MYBPC1: variants seen among roughly 807,000 people sequenced by gnomAD.
MYBPC1 encodes the protein myosin-binding protein C, slow-type.
In MYBPC1, 52 loss-of-function variants were observed where a neutral mutation model predicts 147.1. That is an observed-to-expected ratio of 0.35 (90% CI 0.28 to 0.45). MYBPC1 has a LOEUF of 0.45. MYBPC1 is among the 20% of genes least tolerant of loss of function. MYBPC1 has a pLI of 1.00. For synonymous variants in MYBPC1, 477 were observed against 475.9 expected, an observed-to-expected ratio of 1.00 and a Z score of -0.03; for missense variants, 1,228 against 1,440.3, an observed-to-expected ratio of 0.85 and a Z score of 2.39.
At chr12:101,598,454 T>C (rs1277464355) in intron 1 of MYBPC1, among the ~76,000 whole-genome samples, 2 of 152,252 alleles carry the variant, frequency 1.3e-5, no homozygotes, top group African/African-American at 4.8e-5. Flanking sequence ...GAATGGCTGT[T>C]AAACCCATAA....
Position 101,652,747 on chromosome 12 carries a change from C to G in MYBPC1, c.1596C>G (p.Ala532=), listed in dbSNP as rs1175435845. Residue 532 remains alanine, a synonymous_variant, in exon 17 of 32, where the codon GCC becomes GCG. Coordinates refer to ENST00000361466, the MANE Select transcript of MYBPC1 (RefSeq NM_002465.4). ...GTGATTATGTATTTGCACCTGATGCCTACAATGTTACTCTGCCTGCCAAAG... is the reference window on the plus strand; with the variant it reads ...GTGATTATGTATTTGCACCTGATGCGTACAATGTTACTCTGCCTGCCAAAG... ...DEGDYVFAPD[A]YNVTLPAKVH... is the part of the protein sequence containing the mutation. 3 of 1,613,898 alleles carry G rather than the reference C, an allele frequency of 1.9e-6. No homozygotes were observed. The Admixed American group carries it at 5.0e-5, about 27-fold the overall frequency.
rs375613451 is a variant in MYBPC1 at position 101,603,716 on chromosome 12, A to G, written c.25+8621A>G. 4.7e-4 allele frequency among the ~76,000 whole-genome samples: 72 copies of G among 152,342 alleles called. No individual in the cohort carries two copies. In the East Asian group the frequency reaches 7.5e-3, roughly 16 times the overall value. On this transcript the variant is annotated intron_variant, in intron 1 of 31. Transcript: ENST00000361466. ...CAGCATTTTGGGAGGCCAAGGCCAG[A>G]GAATTGCTTAAGCCCAGGGGTTTGA...
intron 25 of MYBPC1, among the ~76,000 whole-genome samples, chr12:101,674,591 G>A (rs920629020): frequency 2.0e-5 from 3 of 151,986 alleles, no homozygotes; most frequent in Non-Finnish European, 4.4e-5. Flanking sequence ...ATTTAAGGCC[G>A]GGTGTGGTGG....
chr12:101,618,106 T>C (rs900168875), intron 3 of MYBPC1, among the ~76,000 whole-genome samples: 24 of 152,240 alleles, frequency 1.6e-4, no homozygotes, highest in African/African-American at 5.5e-4. Flanking sequence ...CTCTTTTTCC[T>C]GGACACTGCT....
At chr12:101,614,456 T>A in intron 1 of MYBPC1, 40 bp from the exon 2 acceptor site, 2 of 1,612,804 alleles carry the variant, frequency 1.2e-6, no homozygotes, top group Non-Finnish European at 1.7e-6. Flanking sequence ...TTCTCTGTGA[T>A]AAATGAGCCT....
intron 6 of MYBPC1, among the ~76,000 whole-genome samples, chr12:101,629,788 G>A (rs1036492890): frequency 6.6e-6 from 1 of 151,780 alleles, no homozygotes; most frequent in African/African-American, 2.4e-5. Flanking sequence ...CAGGAGAATC[G>A]CTTGAACCCA....
rs373356488 is a variant in MYBPC1, at chr12:101,627,781, G to A, written c.155G>A (p.Arg52Gln). 56 of 1,613,632 alleles carry A rather than the reference G, an allele frequency of 3.5e-5. 1 individual carries two copies. In the East Asian group the frequency reaches 3.6e-4, roughly 10 times the overall value. ...PSALPPGLGS[R>Q]ALERKDSDWT... ...ACTTTCCTTTCAGGTTTGGGTAGTC[G>A]GGCCCTGGAGAGAAAAGATTCAGGT... Residue 52 changes from arginine to glutamine, a missense_variant, in exon 5 of 32, where the codon CGG (arginine) becomes CAG (glutamine). Arg to Gln is a conservative substitution (Grantham distance 43, BLOSUM62 1). Around this residue, in one of 2 missense-constraint regions of MYBPC1, gnomAD observed 151 missense variants for 126.1 expected, o/e 1.20. Transcript: ENST00000361466.
In MYBPC1 at chr12:101,652,542, C is replaced by T. The variant is rs201318044; in HGVS notation, c.1527-136C>T. 7.4e-6 allele frequency: 5 copies of T among 674,248 alleles called. No individual in the cohort carries two copies. In the East Asian group the frequency reaches 8.4e-5, roughly 11 times the overall value. The allele number at this position is 674,248 out of a possible 1,614,324, so 41.8% of individuals were successfully genotyped here. ...CTTCTCATCCTCTCTCTCTCTCTCT[C>T]TCTTTCTCTCTCTCTCTCCCTCTCT... On this transcript the variant is annotated intron_variant, in intron 16 of 31. Coordinates refer to ENST00000361466, the MANE Select transcript of MYBPC1 (RefSeq NM_002465.4).
chr12:101,641,713 A>C (rs1406028754), intron 10 of MYBPC1, among the ~76,000 whole-genome samples: 2 of 152,218 alleles, frequency 1.3e-5, no homozygotes, highest in South Asian at 4.1e-4. Context: ...GAAATGTAAG[A>C]AAATTTTTAA....
intron 14 of MYBPC1, 66 bp from the exon 15 acceptor site, chr12:101,649,194 A>T: frequency 7.0e-7 from 1 of 1,431,836 alleles, no homozygotes; most frequent in Non-Finnish European, 9.7e-7. Flanking sequence ...GCAATAAGCA[A>T]GATGGACAAG....
intron 14 of MYBPC1, 85 bp downstream of exon 14, chr12:101,648,235 G>T: frequency 1.0e-6 from 1 of 953,628 alleles, no homozygotes; most frequent in South Asian, 1.3e-5. Context: ...AGTACAAATA[G>T]CTTTTAAACC....
At chr12:101,666,747 C>T in intron 22 of MYBPC1, 1 of 1,613,568 alleles carries the variant, frequency 6.2e-7, no homozygotes, top group Non-Finnish European at 8.5e-7. Flanking sequence ...CTCAAAGGTA[C>T]ATCAGCAAAA....
downstream of MYBPC1, among the ~76,000 whole-genome samples, chr12:101,689,836 C>G (rs962708707): frequency 6.6e-6 from 1 of 152,094 alleles, no homozygotes; most frequent in Non-Finnish European, 1.5e-5. Flanking sequence ...AGCTGACCAC[C>G]TGGGACTCAG....
intron 3 of MYBPC1, among the ~76,000 whole-genome samples, chr12:101,625,321 T>C (rs1048315498): frequency 2.6e-5 from 4 of 152,208 alleles, no homozygotes; most frequent in African/African-American, 7.2e-5. Context: ...GTCTTATCAT[T>C]AAGGTGTGTG....
At chr12:101,652,570 C>A in intron 16 of MYBPC1, 108 bp from the exon 17 acceptor site, 1 of 763,340 alleles carries the variant, frequency 1.3e-6, no homozygotes. Context: ...CCCTCTCTTT[C>A]CTGCACTAAA....
chr12:101,598,330 C>T (rs1878316285), intron 1 of MYBPC1, among the ~76,000 whole-genome samples: 1 of 152,106 alleles, frequency 6.6e-6, no homozygotes, highest in African/African-American at 2.4e-5. Context: ...AAGAAATCAC[C>T]TTTCACTGGA....
intron 26 of MYBPC1, among the ~76,000 whole-genome samples, chr12:101,676,344 C>T (rs1038316524): frequency 1.3e-5 from 2 of 152,062 alleles, no homozygotes; most frequent in African/African-American, 2.4e-5. Flanking sequence ...GAGGCTGAGG[C>T]AGGAGAATTG....
chr12:101,613,522 A>G (rs1327330009), intron 1 of MYBPC1, among the ~76,000 whole-genome samples: 1 of 152,188 alleles, frequency 6.6e-6, no homozygotes, highest in Non-Finnish European at 1.5e-5. Flanking sequence ...CCTGGAGATG[A>G]AGCAGGTGGT....
intron 3 of MYBPC1, among the ~76,000 whole-genome samples, chr12:101,626,112 AT>A (rs1323363256): frequency 0.01 from 1,479 of 144,860 alleles, 38 homozygotes; most frequent in East Asian, 0.016. Context: ...AAAAAAAAAA[AT>A]TTATCCTTCT....
Sources: gnomAD v4.1 joint callset for allele counts (sites outside exome capture counted in the v4.1 genomes callset) on GRCh38, gnomAD v4.1.1 for gene constraint, gnomAD v4.1.1 regional missense constraint, MANE v1.5 for transcripts, NCBI Gene and HGNC (gene_info 2026-07-23, HGNC 2026-07-21) for gene names.